The following CYP4B1 variants were observed in gnomAD, a reference collection of about 807,000 sequenced individuals.
CYP4B1 encodes the protein cytochrome P450 4B1.
A neutral mutation model predicts 54.0 loss-of-function variants in CYP4B1; 45 were observed. That is an observed-to-expected ratio of 0.83 (90% CI 0.66 to 1.07). The LOEUF (loss-of-function observed/expected upper bound fraction) is 1.07, where lower values mean the gene tolerates loss of function less well. Among genes scored for constraint, CYP4B1 ranks in the 50% least tolerant of loss-of-function variants. The probability of loss-of-function intolerance (pLI) is 0.00; values close to 1 mark genes in which losing one functional copy is unlikely to be tolerated. For missense variants in CYP4B1, 656 were observed against 655.4 expected, an observed-to-expected ratio of 1.00 and a Z score of -0.01; for synonymous variants, 248 against 247.5, an observed-to-expected ratio of 1.00 and a Z score of -0.02.
chr1:46,817,937 T>C, intron 9 of CYP4B1, 28 bp from the exon 10 acceptor site: 1 of 1,612,480 alleles, frequency 6.2e-7, no homozygotes, highest in Non-Finnish European at 8.5e-7. Flanking sequence ...CAGGACTACC[T>C]GGTCACCAAC....
intron 1 of CYP4B1, among the ~76,000 whole-genome samples, chr1:46,803,447 T>G (rs2148396281): frequency 6.6e-6 from 1 of 152,206 alleles, no homozygotes; most frequent in East Asian, 1.9e-4. Flanking sequence ...GAAACAAGGA[T>G]TACCCTTGGA....
chr1:46,800,048 TC>T (rs1480569752), intron 1 of CYP4B1, among the ~76,000 whole-genome samples: 1 of 152,196 alleles, frequency 6.6e-6, no homozygotes, highest in Admixed American at 6.5e-5. Context: ...TATAAACCTG[TC>T]CAAGTGTTAG....
At chr1:46,811,248 TCCTGG>T in intron 3 of CYP4B1, 64 bp downstream of exon 3, 1 of 1,523,452 alleles carries the variant, frequency 6.6e-7, no homozygotes, top group Non-Finnish European at 9.1e-7. Flanking sequence ...GTGACTAGGA[TCCTGG>T]CCTGTCCCAC....
At chr1:46,816,015 C>T (rs990233068) in intron 8 of CYP4B1, among the ~76,000 whole-genome samples, 2 of 152,180 alleles carry the variant, frequency 1.3e-5, no homozygotes, top group African/African-American at 4.8e-5. Context: ...TTTAGATCCA[C>T]TTGAAAGGGA....
chr1:46,804,434 C>CT (rs75345024), intron 1 of CYP4B1, among the ~76,000 whole-genome samples: 7,714 of 141,350 alleles, frequency 0.055, 283 homozygotes, highest in African/African-American at 0.11. Flanking sequence ...CATTTTCTTT[C>CT]TTTTTTTTTT....
chr1:46,817,917 C>T, intron 9 of CYP4B1, 48 bp from the exon 10 acceptor site: 1 of 1,571,366 alleles, frequency 6.4e-7, no homozygotes, highest in Non-Finnish European at 8.8e-7. Flanking sequence ...TGGAGGTAGG[C>T]CTGGCTACCC....
chr1:46,809,280 A>G (rs371832610), intron 1 of CYP4B1, among the ~76,000 whole-genome samples: 1 of 152,118 alleles, frequency 6.6e-6, no homozygotes, highest in Non-Finnish European at 1.5e-5. Context: ...TGAGGGATCC[A>G]CCCCTATGAT....
At chr1:46,803,133 G>A (rs757594434) in intron 1 of CYP4B1, among the ~76,000 whole-genome samples, 2 of 152,186 alleles carry the variant, frequency 1.3e-5, no homozygotes, top group Admixed American at 6.5e-5. Context: ...TTTTGAGGAC[G>A]ATGGGGAATG....
intron 4 of CYP4B1, 46 bp from the exon 5 acceptor site, chr1:46,813,435 AC>A: frequency 1.2e-6 from 2 of 1,613,034 alleles, no homozygotes; most frequent in Non-Finnish European, 1.7e-6. Context: ...AGCCCAACTA[AC>A]CCCTGCATCG....
chr1:46,815,107 C>G lies in CYP4B1; in HGVS notation c.916C>G (p.Leu306Val). 5 of 1,614,222 alleles carry G rather than the reference C, an allele frequency of 3.1e-6. No homozygotes were observed. Among genetic ancestry groups the G allele is most frequent in the Non-Finnish European group, 4.2e-6 (5 of 1,180,032 alleles). The change falls in exon 8 of 12, where the codon CTC (leucine) becomes GTC (valine). Residue 306 changes from leucine (L) to valine (V), a missense_variant. Leu to Val is a conservative substitution (Grantham distance 32). Coordinates refer to ENST00000371923, the MANE Select transcript of CYP4B1 (RefSeq NM_001099772.2). ...EDDIKLSDAD[L>V]RAEVDTFMFE... ...TGACATCAAACTGTCAGATGCAGAC[C>G]TCCGGGCTGAAGTGGACACATTCAT...
intron 1 of CYP4B1, among the ~76,000 whole-genome samples, chr1:46,799,856 G>A (rs942350049): frequency 1.3e-5 from 2 of 152,192 alleles, no homozygotes; most frequent in African/African-American, 2.4e-5. Flanking sequence ...CTCCAGGGTG[G>A]GAACCACCTT....
intron 3 of CYP4B1, 72 bp from the exon 4 acceptor site, chr1:46,812,424 T>C (rs1254510095): frequency 6.6e-7 from 1 of 1,525,292 alleles, no homozygotes; most frequent in South Asian, 1.2e-5. Context: ...GATGGAGTCG[T>C]GTAGGATGTG....
At position 46,814,261 on chromosome 1, in the gene CYP4B1, G is replaced by A. The variant is rs372020140; in HGVS notation, c.828G>A (p.Lys276=). 5.0e-6 allele frequency: 8 copies of A among 1,614,072 alleles called. No homozygotes were observed. Among genetic ancestry groups the A allele is most frequent in the East Asian group, 2.2e-5 (1 of 44,888 alleles). The change falls in exon 7 of 12, where the codon AAG becomes AAA. Residue 276 remains lysine (K), a synonymous_variant. Transcript: ENST00000371923. ...KAALQDEKVR[K]KIQNRRHLDF... is the part of the protein sequence containing the mutation. ...CCCTGCAGGATGAGAAGGTGCGGAA[G>A]AAGATCCAGAACCGGAGGCACCTGG...
In CYP4B1 at chr1:46,799,195, G is replaced by A. The variant is rs894906576; in HGVS notation, c.114G>A (p.Thr38=). 16 of 1,609,456 alleles carry A rather than the reference G, an allele frequency of 9.9e-6. No individual in the cohort carries two copies. The highest frequency in any genetic ancestry group is 4.5e-5 in the East Asian group (2 of 44,760). The change falls in exon 1 of 12, where the codon ACG becomes ACA. Residue 38 remains threonine, a synonymous_variant. Coordinates refer to ENST00000371923, the MANE Select transcript of CYP4B1 (RefSeq NM_001099772.2). The part of the protein sequence containing the change: ...KLIHLLLRRQ[T]LAKAMDKFPG... ...TCCACCTGCTGCTGCGGAGGCAGAC[G>A]TTGGCTAAGGCTATGGACAAATTCC...
At chr1:46,804,877 TC>T (rs1247856740) in intron 1 of CYP4B1, among the ~76,000 whole-genome samples, 2 of 152,222 alleles carry the variant, frequency 1.3e-5, no homozygotes. Flanking sequence ...AGAGTGGCCT[TC>T]CTGACCCACC....
In CYP4B1 at chr1:46,818,033, C is replaced by T. The variant is rs45482605; in HGVS notation, c.1272+4C>T. On this transcript the variant is annotated splice_donor_region_variant and intron_variant, in intron 10 of 11. Transcript: ENST00000371923. ...TGCTGTATGGCCCGACCCTGAGGTA[C>T]CCTTTCCCTGGGCTGGGAGATCAGA... 5.5e-4 allele frequency: 895 copies of T among 1,614,082 alleles called. 4 individuals are homozygous for T. In the African/African-American group the frequency reaches 0.011, roughly 20 times the overall value.
chr1:46,805,751 C>A (rs187049459), intron 1 of CYP4B1, among the ~76,000 whole-genome samples: 42 of 152,320 alleles, frequency 2.8e-4, no homozygotes, highest in African/African-American at 9.1e-4. Flanking sequence ...TACATCTTCT[C>A]CCTTTTGGTT....
chr1:46,817,910 A>G lies in CYP4B1; in HGVS notation c.1208-55A>G, dbSNP rs545470964. 6.5e-4 allele frequency: 990 copies of G among 1,517,298 alleles called. 14 individuals carry two copies. In the South Asian group the frequency reaches 9.5e-3, roughly 15 times the overall value. 94.0% of individuals were successfully genotyped at this position (1,517,298 alleles called of 1,614,324 possible). A position where few individuals can be genotyped will look rare whatever the true frequency, so the allele number is the denominator to read the frequency against. ...ACTAGGGGACTCTGACCTTATGTGG[A>G]GGTAGGCCTGGCTACCCAGGACTAC... On this transcript the variant is annotated intron_variant, in intron 9 of 11. Transcript: ENST00000371923.
At position 46,818,649 on chromosome 1, in the gene CYP4B1, G is replaced by C. The variant is rs775257654; in HGVS notation, c.1374G>C (p.Gln458His). 1 of 1,614,220 alleles carries C rather than the reference G, an allele frequency of 6.2e-7. No individual in the cohort carries two copies. The highest frequency in any genetic ancestry group is 8.5e-7 in the Non-Finnish European group (1 of 1,180,034). ...GCTACAGGAACTGCATTGGGCAGCA[G>C]TTTGCCATGAGTGAGATGAAGGTGG... ...SAGPRNCIGQQFAMSEMKVVT... is the reference protein window; with the variant it reads ...SAGPRNCIGQHFAMSEMKVVT... The change falls in exon 12 of 12, where the codon CAG (glutamine) becomes CAC (histidine). Residue 458 changes from glutamine (Q) to histidine (H), a missense_variant. By Grantham distance (24) the Gln-to-His change is conservative. Transcript: ENST00000371923.
Sources: allele counts gnomAD v4.1 joint callset (sites outside exome capture counted in the v4.1 genomes callset), GRCh38; gene constraint gnomAD v4.1.1; transcripts MANE v1.5; gene names NCBI Gene and HGNC (gene_info 2026-07-23, HGNC 2026-07-21).